The following CFAP90 variants were observed in gnomAD, a reference collection of about 807,000 sequenced individuals.
CFAP90 encodes cilia and flagella associated protein 90, also known as cilia- and flagella-associated protein 90.
At chr5:7,835,026 C>T in the CFAP90 span, among the ~76,000 whole-genome samples, 31,054 of 152,144 alleles carry the variant, frequency 0.2, 3,438 homozygotes, top group Middle Eastern at 0.27. Context: ...CAATAAATAT[C>T]ACTATTAAGT....
chr5:7,845,338 T>C, the CFAP90 span, among the ~76,000 whole-genome samples: 1 of 152,180 alleles, frequency 6.6e-6, no homozygotes, highest in East Asian at 1.9e-4. Flanking sequence ...TGGCTGCACT[T>C]GGCAAAGGGA....
the CFAP90 span, among the ~76,000 whole-genome samples, chr5:7,845,322 G>A: frequency 8.5e-5 from 13 of 152,298 alleles, no homozygotes; most frequent in South Asian, 1.4e-3. Context: ...CATCTGTATA[G>A]GTGCTTGGCT....
the CFAP90 span, chr5:7,832,177 G>A: frequency 2.8e-6 from 2 of 708,688 alleles, no homozygotes; most frequent in South Asian, 3.9e-5. Flanking sequence ...CTGAAGCCAG[G>A]GGCTTCACAG....
chr5:7,850,861 T>C, the CFAP90 span: 9 of 1,299,796 alleles, frequency 6.9e-6, no homozygotes, highest in Non-Finnish European at 8.8e-6. Context: ...CCGCGCCCAG[T>C]CCGCGGTCCT....
chr5:7,842,722 C>T, the CFAP90 span, among the ~76,000 whole-genome samples: 1 of 152,082 alleles, frequency 6.6e-6, no homozygotes, highest in African/African-American at 2.4e-5. Flanking sequence ...AAAAATAAGC[C>T]TCTATGATGT....
At chr5:7,830,874 AAAGT>A in the CFAP90 span, 3 of 152,220 alleles carry the variant, frequency 2.0e-5, no homozygotes, top group Non-Finnish European at 2.9e-5. Context: ...AATTATCTCC[AAAGT>A]AAGTATTTCC....
the CFAP90 span, among the ~76,000 whole-genome samples, chr5:7,849,268 G>T: frequency 2.2e-4 from 33 of 152,208 alleles, no homozygotes; most frequent in African/African-American, 8.0e-4. Flanking sequence ...TGTGTGGCAT[G>T]CAGGCCAGTG....
At chr5:7,844,284 G>A in the CFAP90 span, among the ~76,000 whole-genome samples, 7 of 152,204 alleles carry the variant, frequency 4.6e-5, no homozygotes, top group African/African-American at 1.4e-4. Flanking sequence ...TACCAGAGGA[G>A]GAGAACGAGG....
chr5:7,850,783 CCTGCCCAGCCGCCCAGCCGCCCAG>C, the CFAP90 span: 1 of 1,139,442 alleles, frequency 8.8e-7, no homozygotes, highest in Non-Finnish European at 1.1e-6. Flanking sequence ...GCCGCCCGCC[CCTGCCCAGCCGCCCAGCCGCCCAG>C]CCGCCCAGCC....
the CFAP90 span, among the ~76,000 whole-genome samples, chr5:7,850,563 C>T: frequency 6.7e-6 from 1 of 149,048 alleles, no homozygotes; most frequent in East Asian, 2.0e-4. Flanking sequence ...AGGTGAACCC[C>T]GCCCCCAGGC....
At chr5:7,849,609 C>T in the CFAP90 span, among the ~76,000 whole-genome samples, 1 of 152,190 alleles carries the variant, frequency 6.6e-6, no homozygotes, top group Non-Finnish European at 1.5e-5. Context: ...GAGTAGATGA[C>T]CCTCAACTGG....
chr5:7,835,546 G>T, the CFAP90 span: 1 of 1,117,344 alleles, frequency 8.9e-7, no homozygotes, highest in Non-Finnish European at 1.3e-6. Context: ...TGAAGGCTGG[G>T]TCATTGAGGC....
chr5:7,838,898 T>C, the CFAP90 span, among the ~76,000 whole-genome samples: 1 of 152,122 alleles, frequency 6.6e-6, no homozygotes. Context: ...CCTATAATGC[T>C]CCCTGCAGGT....
At chr5:7,832,361 G>A in the CFAP90 span, among the ~76,000 whole-genome samples, 1 of 151,972 alleles carries the variant, frequency 6.6e-6, no homozygotes, top group African/African-American at 2.4e-5. Context: ...CCCAGATCCT[G>A]GCTCAGATGT....
chr5:7,833,423 T>C, the CFAP90 span, among the ~76,000 whole-genome samples: 21 of 152,178 alleles, frequency 1.4e-4, no homozygotes, highest in African/African-American at 4.8e-4. Flanking sequence ...TGCATGCATC[T>C]ATACACATAT....
chr5:7,850,785 TGCCCAGCCGCCCAGCC>T, the CFAP90 span: 363,429 of 1,065,152 alleles, frequency 0.34, 68,071 homozygotes, highest in Admixed American at 0.49. Flanking sequence ...CGCCCGCCCC[TGCCCAGCCGCCCAGCC>T]GCCCAGCCGC....
the CFAP90 span, among the ~76,000 whole-genome samples, chr5:7,842,184 C>T: frequency 6.6e-6 from 1 of 151,684 alleles, no homozygotes; most frequent in South Asian, 2.1e-4. Context: ...AGAAGTTGCA[C>T]ACAAATAACT....
At chr5:7,846,639 G>A in the CFAP90 span, among the ~76,000 whole-genome samples, 2 of 152,168 alleles carry the variant, frequency 1.3e-5, no homozygotes, top group African/African-American at 4.8e-5. Context: ...TTCAACATAT[G>A]TATTTGGGGA....
the CFAP90 span, among the ~76,000 whole-genome samples, chr5:7,850,173 G>T: frequency 6.6e-6 from 1 of 152,130 alleles, no homozygotes; most frequent in Non-Finnish European, 1.5e-5. Flanking sequence ...GGGTTCAGCT[G>T]ACACTGGTAG....
Sources: allele counts gnomAD v4.1 joint callset (sites outside exome capture counted in the v4.1 genomes callset), GRCh38; gene constraint gnomAD v4.1.1; transcripts MANE v1.5; gene names NCBI Gene and HGNC (gene_info 2026-07-23, HGNC 2026-07-21).